ACTA2: variants seen among roughly 807,000 people sequenced by gnomAD.
The protein encoded by ACTA2 is actin alpha 2, smooth muscle.
A neutral mutation model predicts 39.5 loss-of-function variants in ACTA2; 12 were observed. That is an observed-to-expected ratio of 0.30 (90% CI 0.19 to 0.49). The LOEUF (loss-of-function observed/expected upper bound fraction) is 0.49. ACTA2 is among the 20% of genes least tolerant of loss of function. The pLI is 0.99. For synonymous variants in ACTA2, 158 were observed against 180.6 expected (o/e 0.88, Z 1.00); for missense variants, 236 against 498.8 (o/e 0.47, Z 5.02).
At chr10:88,958,940 T>G (rs185142043) in intron 1 of ACTA2, among the ~76,000 whole-genome samples, 1 of 152,280 alleles carries the variant, frequency 6.6e-6, no homozygotes, top group East Asian at 1.9e-4. Context: ...TCATCACCAA[T>G]GATTAGAGCA....
chr10:88,982,121 C>A lies in ACTA2; in HGVS notation c.-24+8818G>T, dbSNP rs79152594. On this transcript the variant is annotated intron_variant, in intron 1 of 4. Transcript: ENST00000415557. ...AGAAGCAATTGCTTTGGTTCAAACC[C>A]CAGCTCTACAGCTTACTGGTTGGGT... Among the ~76,000 whole-genome samples the A allele has an allele frequency of 8.5e-5, 13 of 152,192 alleles. No homozygotes were observed. The East Asian group carries it at 2.3e-3, about 27-fold the overall frequency.
upstream of ACTA2, among the ~76,000 whole-genome samples, chr10:88,955,121 A>T (rs1846117031): frequency 6.6e-6 from 1 of 152,172 alleles, no homozygotes; most frequent in Non-Finnish European, 1.5e-5. Flanking sequence ...AAGCTAAAGA[A>T]CATATCCAAC....
chr10:88,944,201 C>T (rs928811595), intron 3 of ACTA2, among the ~76,000 whole-genome samples: 3 of 152,110 alleles, frequency 2.0e-5, no homozygotes, highest in Admixed American at 1.3e-4. Flanking sequence ...GGTTCAAAGC[C>T]CAGCTCGGAC....
At chr10:88,979,296 C>T (rs866078866) in intron 1 of ACTA2, among the ~76,000 whole-genome samples, 1 of 152,026 alleles carries the variant, frequency 6.6e-6, no homozygotes, top group East Asian at 1.9e-4. Context: ...GCGAGTTTCC[C>T]GGCTCTGCCG....
At chr10:88,955,032 AAG>A (rs1423739948), upstream of ACTA2, among the ~76,000 whole-genome samples, 178 of 150,644 alleles carry the variant, frequency 1.2e-3, 5 homozygotes, top group East Asian at 0.024. Flanking sequence ...AAAAAAAAAA[AAG>A]AAGAAGAAGG....
intron 1 of ACTA2, 97 bp from the exon 2 acceptor site, chr10:88,949,050 C>A: frequency 8.7e-6 from 10 of 1,150,546 alleles, no homozygotes; most frequent in Non-Finnish European, 1.3e-5. Flanking sequence ...TGGGGGCCCT[C>A]CTCTGTGTCC....
chr10:88,963,265 C>A (rs1252281935), intron 1 of ACTA2, among the ~76,000 whole-genome samples: 1 of 151,760 alleles, frequency 6.6e-6, no homozygotes, highest in African/African-American at 2.4e-5. Context: ...AGGTTTGGAG[C>A]AAATGCCTAC....
rs1216389841 is a variant in ACTA2 at position 88,983,537 on chromosome 10, T to C, written c.-24+7402A>G. Among the ~76,000 whole-genome samples the C allele has an allele frequency of 4.6e-5, 7 of 151,364 alleles. No individual in the cohort carries two copies. In the South Asian group the frequency reaches 8.3e-4, roughly 18 times the overall value. ...TGGGCAAGTCTTTCCAAGTTTCTTT[T>C]CTATAAAATAGGATGGTAACAGGAC... On this transcript the variant is annotated intron_variant, in intron 1 of 4. Coordinates refer to the ACTA2 transcript ENST00000415557.
chr10:88,961,543 T>C (rs1429806698), intron 1 of ACTA2, among the ~76,000 whole-genome samples: 1 of 152,168 alleles, frequency 6.6e-6, no homozygotes. Flanking sequence ...TTTCTTAAAC[T>C]GGCTGATTTA....
chr10:88,961,678 T>A (rs1015246639), intron 1 of ACTA2, among the ~76,000 whole-genome samples: 1 of 152,166 alleles, frequency 6.6e-6, no homozygotes, highest in African/African-American at 2.4e-5. Context: ...GACAAGATCT[T>A]TACATCTCTG....
chr10:88,973,396 T>C, intron 1 of ACTA2: 1 of 1,371,456 alleles, frequency 7.3e-7, no homozygotes, highest in South Asian at 1.8e-5. Flanking sequence ...TTTCATAGAG[T>C]TCCCGATGAA....
At chr10:88,940,667 T>C (rs1185344395) in intron 6 of ACTA2, 1 of 182,742 alleles carries the variant, frequency 5.5e-6, no homozygotes, top group Non-Finnish European at 1.2e-5. Context: ...TGAATACACA[T>C]ATGTCACTGT....
At chr10:88,956,989 T>C (rs1195717948), upstream of ACTA2, among the ~76,000 whole-genome samples, 1 of 152,204 alleles carries the variant, frequency 6.6e-6, no homozygotes, top group Admixed American at 6.5e-5. Flanking sequence ...CCCTTATCAA[T>C]TAAACACCTC....
intron 2 of ACTA2, among the ~76,000 whole-genome samples, chr10:88,947,889 T>A (rs1394183574): frequency 6.6e-6 from 1 of 152,230 alleles, no homozygotes; most frequent in Non-Finnish European, 1.5e-5. Context: ...CATCTACAAA[T>A]AACCACTTGA....
chr10:88,962,816 G>T (rs1207971547), intron 1 of ACTA2, among the ~76,000 whole-genome samples: 1 of 150,652 alleles, frequency 6.6e-6, no homozygotes, highest in Non-Finnish European at 1.5e-5. Flanking sequence ...GTTCCACATG[G>T]CTGAGGAGGC....
At chr10:88,947,910 C>A (rs1247193744) in intron 2 of ACTA2, among the ~76,000 whole-genome samples, 2 of 152,122 alleles carry the variant, frequency 1.3e-5, no homozygotes, top group Non-Finnish European at 2.9e-5. Context: ...GGCTTGATTT[C>A]TAATGGATAA....
In ACTA2 at chr10:88,964,133, T is replaced by C. The variant is rs115636989; in HGVS notation, c.-23-15180A>G. ...GTTTCATATATTTACTTTAGTTTAA[T>C]ATATTTTAGTTTAGTTTCACATATT... On this transcript the variant is annotated intron_variant, in intron 1 of 4. Coordinates refer to the ACTA2 transcript ENST00000415557. 7.0e-3 allele frequency among the ~76,000 whole-genome samples: 1,072 copies of C among 152,240 alleles called. 8 individuals carry two copies. Among genetic ancestry groups the C allele is most frequent in the Middle Eastern group, 0.024 (7 of 294 alleles).
chr10:88,989,741 T>C (rs1212668843), intron 1 of ACTA2, among the ~76,000 whole-genome samples: 1 of 152,174 alleles, frequency 6.6e-6, no homozygotes, highest in Non-Finnish European at 1.5e-5. Flanking sequence ...TAATGTGTTA[T>C]TAATGGGTTG....
chr10:88,979,624 A>G (rs1846660261), intron 1 of ACTA2, among the ~76,000 whole-genome samples: 1 of 150,584 alleles, frequency 6.6e-6, no homozygotes, highest in South Asian at 2.1e-4. Context: ...TTTTTTTTTT[A>G]ACAAGTCTAC....
Sources: allele counts gnomAD v4.1 joint callset (sites outside exome capture counted in the v4.1 genomes callset), GRCh38; gene constraint gnomAD v4.1.1; transcripts MANE v1.5; gene names NCBI Gene and HGNC (gene_info 2026-07-23, HGNC 2026-07-21).